The following NDRG1 variants were observed in gnomAD, a reference collection of about 807,000 sequenced individuals.
NDRG1 encodes the protein N-myc downstream regulated 1.
Under a neutral mutation model 56.9 loss-of-function variants are expected in NDRG1, and 32 were observed. The ratio of observed to expected loss-of-function variants is 0.56; its 90% CI spans 0.42 to 0.76. The LOEUF is 0.76. Ranked by LOEUF, NDRG1 falls within the 30% of genes least tolerant of loss-of-function variation. The pLI is 0.00. For synonymous variants in NDRG1, 211 were observed against 204.1 expected (o/e 1.03, Z -0.29); for missense variants, 507 against 545.7 (o/e 0.93, Z 0.71).
At chr8:133,239,313 G>C (rs1012430067) in intron 15 of NDRG1, 194 bp from the exon 16 acceptor site, 1 of 880,700 alleles carries the variant, frequency 1.1e-6, no homozygotes, top group Non-Finnish European at 1.7e-6. Flanking sequence ...CCAGATGCGG[G>C]AAGGAACTGC....
At chr8:133,246,777 AAAG>A in intron 12 of NDRG1, 114 bp from the exon 13 acceptor site, 1 of 982,714 alleles carries the variant, frequency 1.0e-6, no homozygotes, top group Non-Finnish European at 1.6e-6. Flanking sequence ...TTCTGCTGGC[AAAG>A]AAGAAAGTAT....
At chr8:133,272,488 T>C (rs1483948920) in intron 3 of NDRG1, among the ~76,000 whole-genome samples, 2 of 152,086 alleles carry the variant, frequency 1.3e-5, no homozygotes, top group Non-Finnish European at 2.9e-5. Flanking sequence ...GACACGCGAG[T>C]AGCAAATGAC....
Position 133,293,781 on chromosome 8 carries a change from G to C in NDRG1, c.-19+3353C>G, listed in dbSNP as rs140405913. On this transcript the variant is annotated intron_variant, in intron 1 of 15. Coordinates refer to ENST00000323851, the MANE Select transcript of NDRG1 (RefSeq NM_006096.4). ...AAACAACAGCATATCCCCTGATGGA[G>C]AGAGAATCGCAGGAGACCGGGCCTG... is the stretch of plus-strand genomic sequence containing the variant. Among the ~76,000 whole-genome samples the C allele has an allele frequency of 3.2e-3, 483 of 152,332 alleles. 2 individuals are homozygous for C. Among genetic ancestry groups the C allele is most frequent in the African/African-American group, 0.011 (450 of 41,578 alleles).
At chr8:133,295,332 T>C (rs916622714) in intron 1 of NDRG1, among the ~76,000 whole-genome samples, 3 of 152,178 alleles carry the variant, frequency 2.0e-5, no homozygotes, top group Admixed American at 1.3e-4. Flanking sequence ...TCCTCCTCCT[T>C]GCCCAGATGC....
chr8:133,279,078 C>T (rs1265562347), intron 3 of NDRG1, among the ~76,000 whole-genome samples: 2 of 152,062 alleles, frequency 1.3e-5, no homozygotes, highest in Non-Finnish European at 2.9e-5. Context: ...TTAGTAGAGA[C>T]AGGGTTTCTC....
At chr8:133,282,113 A>G (rs1857841160) in intron 2 of NDRG1, among the ~76,000 whole-genome samples, 1 of 152,244 alleles carries the variant, frequency 6.6e-6, no homozygotes, top group South Asian at 2.1e-4. Context: ...GTAACCCTGA[A>G]TGGGCAAGCT....
At chr8:133,279,514 C>CG (rs922887181) in intron 3 of NDRG1, among the ~76,000 whole-genome samples, 2 of 152,216 alleles carry the variant, frequency 1.3e-5, no homozygotes, top group African/African-American at 4.8e-5. Flanking sequence ...ACATGGGTAG[C>CG]GGTTCAGGTG....
intron 3 of NDRG1, among the ~76,000 whole-genome samples, chr8:133,278,133 C>T (rs897057318): frequency 1.3e-5 from 2 of 152,144 alleles, no homozygotes; most frequent in Admixed American, 6.5e-5. Flanking sequence ...TGGGGTGGCC[C>T]GGCCCATCCC....
Position 133,239,107 on chromosome 8 carries a change from C to T in NDRG1, c.956G>A (p.Ser319Asn), listed in dbSNP as rs1564277421. 6.4e-7 allele frequency: 1 copy of T among 1,558,330 alleles called. No individual in the cohort carries two copies. Residue 319 changes from serine to asparagine, a missense_variant, in exon 16 of 16, where the codon AGC becomes AAC. By Grantham distance (46) the Ser-to-Asn change is conservative. Coordinates refer to ENST00000323851, the MANE Select transcript of NDRG1 (RefSeq NM_006096.4). Reference protein sequence around the residue: ...VQGMGYMPSASMTRLMRSRTA... With the variant: ...VQGMGYMPSANMTRLMRSRTA... ...GCGGGACCGCATCAGGCGGGTCATG[C>T]TAGCCGAGGGCACTAGGGGAACAAG...
intron 1 of NDRG1, among the ~76,000 whole-genome samples, chr8:133,290,890 C>T (rs1858393042): frequency 6.6e-6 from 1 of 152,154 alleles, no homozygotes; most frequent in Non-Finnish European, 1.5e-5. Context: ...GAGGTTGCCC[C>T]GGGAGAGGCT....
chr8:133,265,480 G>C (rs1265694424), intron 3 of NDRG1, among the ~76,000 whole-genome samples: 1 of 152,182 alleles, frequency 6.6e-6, no homozygotes, highest in Non-Finnish European at 1.5e-5. Context: ...CCAATCCCAT[G>C]TAAGCCATGT....
At chr8:133,284,517 C>T (rs1334414814) in intron 1 of NDRG1, among the ~76,000 whole-genome samples, 188 bp from the exon 2 acceptor site, 1 of 152,180 alleles carries the variant, frequency 6.6e-6, no homozygotes. Context: ...ACCCAGTCTT[C>T]CCATTGGGGC....
At chr8:133,254,479 G>T in intron 9 of NDRG1, 60 bp downstream of exon 9, 4 of 1,592,164 alleles carry the variant, frequency 2.5e-6, no homozygotes. Flanking sequence ...GCCCTGTGCT[G>T]AGCACCACAC....
intron 5 of NDRG1, among the ~76,000 whole-genome samples, chr8:133,260,148 G>A (rs1856590073): frequency 6.6e-6 from 1 of 152,148 alleles, no homozygotes; most frequent in Non-Finnish European, 1.5e-5. Flanking sequence ...TAATTGCAGG[G>A]CCCTCTGTTT....
At position 133,264,598 on chromosome 8, in the gene NDRG1, G is replaced by T. The variant is rs767438538; in HGVS notation, c.154C>A (p.Pro52Thr). The change falls in exon 4 of 16, where the codon CCC becomes ACC. Residue 52 changes from proline to threonine, a missense_variant. Coordinates refer to ENST00000323851, the MANE Select transcript of NDRG1 (RefSeq NM_006096.4). The part of the protein sequence containing the change: ...GSVHVTLCGT[P>T]KGNRPVILTY... The stretch of plus-strand genomic sequence containing the variant: ...AGGATGACAGGCCGGTTTCCCTTGG[G>T]AGTCCCACACAGCGTGACGTGAACA... 3 of 1,614,226 alleles carry T rather than the reference G, an allele frequency of 1.9e-6. No individual in the cohort carries two copies. The South Asian group carries it at 3.3e-5, about 18-fold the overall frequency.
At chr8:133,248,639 A>G (rs1855830458) in intron 11 of NDRG1, 76 bp downstream of exon 11, 3 of 1,506,472 alleles carry the variant, frequency 2.0e-6, no homozygotes, top group Non-Finnish European at 2.8e-6. Context: ...ACTCAGAAAG[A>G]AGGCCCTGCC....
At chr8:133,262,658 TAAGG>T (rs1856717243) in intron 4 of NDRG1, among the ~76,000 whole-genome samples, 1 of 152,208 alleles carries the variant, frequency 6.6e-6, no homozygotes, top group Non-Finnish European at 1.5e-5. Context: ...TGCTGAAGCC[TAAGG>T]AAGTCGGGCT....
intron 3 of NDRG1, chr8:133,264,954 G>A (rs1856842996): frequency 2.3e-6 from 1 of 435,360 alleles, no homozygotes; most frequent in Non-Finnish European, 4.3e-6. Context: ...TGCTCCATCT[G>A]GAAAACAGGC....
chr8:133,238,338 T>A lies in NDRG1; in HGVS notation c.*540A>T, dbSNP rs1855173619. ...GTTCCAAATGCCTCTAGCCTCGACA[T>A]GAATCCCACCTTTTCCCCCTTCCTG... On this transcript the variant is annotated 3_prime_UTR_variant, in exon 16 of 16. Coordinates refer to ENST00000323851, the MANE Select transcript of NDRG1 (RefSeq NM_006096.4). 1 of 234,382 alleles carries A rather than the reference T, an allele frequency of 4.3e-6. No homozygotes were observed. The highest frequency in any genetic ancestry group is 5.6e-5 in the Admixed American group (1 of 17,892). 14.5% of individuals were successfully genotyped at this position (234,382 alleles called of 1,614,324 possible).
Sources: allele counts gnomAD v4.1 joint callset (sites outside exome capture counted in the v4.1 genomes callset), GRCh38; gene constraint gnomAD v4.1.1; transcripts MANE v1.5; gene names NCBI Gene and HGNC (gene_info 2026-07-23, HGNC 2026-07-21).